ZBTB44: variants seen among roughly 807,000 people sequenced by gnomAD.
ZBTB44 encodes zinc finger and BTB domain containing 44, also known as zinc finger and BTB domain-containing protein 44.
ZBTB44 carries 15 observed loss-of-function variants against 54.0 expected under a neutral mutation model. The observed-to-expected ratio is 0.28, with a 90% CI of 0.19 to 0.43. The LOEUF is 0.43. Among genes scored for constraint, ZBTB44 ranks in the 20% least tolerant of loss-of-function variants. ZBTB44 has a pLI of 1.00. For missense variants in ZBTB44, 487 were observed against 707.1 expected, an observed-to-expected ratio of 0.69 and a Z score of 3.53; for synonymous variants, 230 against 250.1, an observed-to-expected ratio of 0.92 and a Z score of 0.76.
intron 5 of ZBTB44, chr11:130,236,352 C>A: frequency 1.4e-6 from 1 of 739,932 alleles, no homozygotes; most frequent in South Asian, 2.2e-5. Flanking sequence ...TTCTTACTGG[C>A]CAATGGCTAT....
chr11:130,298,857 AC>A, intron 1 of ZBTB44, among the ~76,000 whole-genome samples: 1 of 151,986 alleles, frequency 6.6e-6, no homozygotes, highest in East Asian at 1.9e-4. Flanking sequence ...ACACACACAC[AC>A]AAAACCATCA....
intron 2 of ZBTB44, among the ~76,000 whole-genome samples, chr11:130,257,258 AAG>A: frequency 2.0e-5 from 3 of 151,230 alleles, no homozygotes; most frequent in South Asian, 2.1e-4. Flanking sequence ...AAAAAAAAAA[AAG>A]AAAAAGTACA....
At chr11:130,256,272 C>T (rs957534038) in intron 2 of ZBTB44, among the ~76,000 whole-genome samples, 11 of 152,182 alleles carry the variant, frequency 7.2e-5, no homozygotes, top group South Asian at 2.1e-4. Flanking sequence ...ATCCCTGGAA[C>T]GCAAGGCTGG....
At chr11:130,304,086 C>T (rs773972698) in intron 1 of ZBTB44, among the ~76,000 whole-genome samples, 20 of 152,120 alleles carry the variant, frequency 1.3e-4, no homozygotes, top group Non-Finnish European at 1.5e-4. Context: ...TTTTTAAAGG[C>T]ACACATACAA....
chr11:130,231,169 C>T lies in ZBTB44; in HGVS notation c.*595G>A, dbSNP rs911916374. 9.2e-5 allele frequency: 14 copies of T among 152,008 alleles called. No homozygotes were observed. The highest frequency in any genetic ancestry group is 3.4e-4 in the African/African-American group (14 of 41,408). 9.4% of individuals were successfully genotyped at this position (152,008 alleles called of 1,614,324 possible). On this transcript the variant is annotated 3_prime_UTR_variant, in exon 8 of 8. Coordinates refer to ENST00000357899, the MANE Select transcript of ZBTB44 (RefSeq NM_001301098.2). Reference sequence around the variant, plus strand: ...TGGTAAAAATTATGCATCTAGGCATCCCTAAGATGAATTTGAAATAAACCT... The same window carrying T: ...TGGTAAAAATTATGCATCTAGGCATTCCTAAGATGAATTTGAAATAAACCT...
intron 2 of ZBTB44, among the ~76,000 whole-genome samples, chr11:130,243,466 GT>G: frequency 6.6e-6 from 1 of 152,360 alleles, no homozygotes; most frequent in East Asian, 1.9e-4. Flanking sequence ...CTCAAAGTCT[GT>G]GTTGTAACAA....
intron 1 of ZBTB44, among the ~76,000 whole-genome samples, chr11:130,311,859 G>A (rs1414318416): frequency 6.6e-6 from 1 of 152,102 alleles, no homozygotes; most frequent in East Asian, 1.9e-4. Flanking sequence ...GATTAATGGG[G>A]AGCAGGGGTG....
intron 1 of ZBTB44, among the ~76,000 whole-genome samples, chr11:130,291,605 C>T (rs1161313400): frequency 6.6e-6 from 1 of 152,148 alleles, no homozygotes; most frequent in Non-Finnish European, 1.5e-5. Flanking sequence ...CTCATTTTAT[C>T]ATTAAACCAA....
intron 1 of ZBTB44, among the ~76,000 whole-genome samples, chr11:130,274,941 G>A (rs1256061250): frequency 2.0e-5 from 3 of 152,142 alleles, no homozygotes; most frequent in Non-Finnish European, 4.4e-5. Context: ...ATCGGTATTA[G>A]TTCTTTAAAT....
chr11:130,296,321 A>G (rs112574549), intron 1 of ZBTB44: 2 of 1,523,606 alleles, frequency 1.3e-6, no homozygotes, highest in East Asian at 2.2e-5. Flanking sequence ...AGAAGAACCG[A>G]AAGAAGCTCG....
At chr11:130,266,536 A>G (rs1000015652) in intron 1 of ZBTB44, among the ~76,000 whole-genome samples, 11 of 152,260 alleles carry the variant, frequency 7.2e-5, no homozygotes, top group African/African-American at 2.7e-4. Flanking sequence ...TGCACAAAGC[A>G]AAGTGAAAAC....
At chr11:130,239,966 A>G (rs1954286139) in intron 2 of ZBTB44, 70 bp from the exon 3 acceptor site, 3 of 1,064,372 alleles carry the variant, frequency 2.8e-6, no homozygotes, top group African/African-American at 1.6e-5. Flanking sequence ...ACTGAAAGCT[A>G]TATTATATCT....
At chr11:130,263,898 T>C (rs1382315464) in intron 1 of ZBTB44, among the ~76,000 whole-genome samples, 6 of 152,176 alleles carry the variant, frequency 3.9e-5, no homozygotes, top group African/African-American at 9.7e-5. Context: ...ATGGAAAATA[T>C]GTTACAACTG....
chr11:130,238,784 A>G, intron 3 of ZBTB44, 177 bp from the exon 4 acceptor site: 1 of 692,276 alleles, frequency 1.4e-6, no homozygotes, highest in East Asian at 3.2e-5. Flanking sequence ...AATGTCCAGA[A>G]TGCCTTTTGT....
At chr11:130,305,927 A>C in intron 1 of ZBTB44, among the ~76,000 whole-genome samples, 1 of 152,050 alleles carries the variant, frequency 6.6e-6, no homozygotes, top group Non-Finnish European at 1.5e-5. Flanking sequence ...AAAACCACCA[A>C]TCCTGTCAAA....
At chr11:130,313,954 A>G (rs1299325884) in intron 1 of ZBTB44, among the ~76,000 whole-genome samples, 3,193 of 140,138 alleles carry the variant, frequency 0.023, 107 homozygotes, top group African/African-American at 0.079. Flanking sequence ...GTGTGTATAT[A>G]TATATATATA....
Position 130,232,180 on chromosome 11 carries a change from A to G in ZBTB44, c.*49-465T>C, listed in dbSNP as rs659493. 4 of 151,954 alleles carry G rather than the reference A, an allele frequency of 2.6e-5. No homozygotes were observed. The East Asian group carries it at 7.7e-4, about 29-fold the overall frequency. 9.4% of individuals were successfully genotyped at this position (151,954 alleles called of 1,614,324 possible). A position where few individuals can be genotyped will look rare whatever the true frequency, so the allele number is the denominator to read the frequency against. On this transcript the variant is annotated intron_variant, in intron 7 of 7. Transcript: ENST00000357899. The stretch of plus-strand genomic sequence containing the variant: ...ATTACAGAATTAGCCAATCTAAAAA[A>G]ATGAAACAAATCACTATAATTAAAA...
chr11:130,238,789 T>G, intron 3 of ZBTB44, 182 bp from the exon 4 acceptor site: 2 of 662,438 alleles, frequency 3.0e-6, no homozygotes. Context: ...CCAGAATGCC[T>G]TTTGTTTTTT....
chr11:130,279,039 G>A (rs746877247), intron 1 of ZBTB44, among the ~76,000 whole-genome samples: 1 of 152,008 alleles, frequency 6.6e-6, no homozygotes, highest in African/African-American at 2.4e-5. Flanking sequence ...TGATAATATA[G>A]TATAGCAAAT....
Sources: gnomAD v4.1 joint callset for allele counts (sites outside exome capture counted in the v4.1 genomes callset) on GRCh38, gnomAD v4.1.1 for gene constraint, MANE v1.5 for transcripts, NCBI Gene and HGNC (gene_info 2026-07-23, HGNC 2026-07-21) for gene names.